The following ANXA6 variants were observed in gnomAD, a reference collection of about 807,000 sequenced individuals.
The protein encoded by ANXA6 is 67 kDa calelectrin.
A neutral mutation model predicts 95.4 loss-of-function variants in ANXA6; 71 were observed. The ratio of observed to expected loss-of-function variants is 0.74; its 90% CI spans 0.61 to 0.91. The LOEUF is 0.91. Among genes scored for constraint, ANXA6 ranks in the 40% least tolerant of loss-of-function variants. The pLI, the probability that ANXA6 is intolerant of heterozygous loss-of-function variation, is 0.00. For missense variants in ANXA6, 830 were observed against 876.4 expected (o/e 0.95, Z 0.67); for synonymous variants, 289 against 315.9 (o/e 0.91, Z 0.90).
intron 4 of ANXA6, chr5:151,139,015 T>C (rs1044465888): frequency 1.7e-6 from 1 of 602,090 alleles, no homozygotes; most frequent in East Asian, 2.8e-5. Context: ...CTATGCAGGG[T>C]CAGGTCCACA....
Position 151,101,119 on chromosome 5 carries a change from G to A in ANXA6, c.*329C>T, listed in dbSNP as rs1194676875. On this transcript the variant is annotated 3_prime_UTR_variant, in exon 26 of 26. Transcript: ENST00000354546. The stretch of plus-strand genomic sequence containing the variant: ...GACACTACTCATTTTACAGACAGAG[G>A]TTCAGGATGTTTTTGGATCTGACAT... 11 of 520,832 alleles carry A rather than the reference G, an allele frequency of 2.1e-5. No individual in the cohort carries two copies. Among genetic ancestry groups the A allele is most frequent in the South Asian group, 1.9e-4 (11 of 57,502 alleles). The allele number at this position is 520,832 out of a possible 1,614,324, so 32.3% of individuals were successfully genotyped here.
At chr5:151,155,060 AG>A (rs1057274806) in intron 1 of ANXA6, 5 of 152,198 alleles carry the variant, frequency 3.3e-5, no homozygotes, top group African/African-American at 1.2e-4. Context: ...AGCTTAGAAG[AG>A]GACCTGGCAC....
At chr5:151,109,952 G>T (rs1764804075) in intron 21 of ANXA6, 106 bp from the exon 22 acceptor site, 2 of 847,448 alleles carry the variant, frequency 2.4e-6, no homozygotes, top group Non-Finnish European at 3.8e-6. Flanking sequence ...GTCAGAAGCT[G>T]GGCTCACCCA....
At chr5:151,119,047 C>T (rs1020114538) in intron 18 of ANXA6, among the ~76,000 whole-genome samples, 1 of 152,244 alleles carries the variant, frequency 6.6e-6, no homozygotes, top group Non-Finnish European at 1.5e-5. Flanking sequence ...CGCCCTCCCT[C>T]TCTCCAGCAG....
In ANXA6 at chr5:151,119,300, C is replaced by A. The variant is rs1765094528; in HGVS notation, c.1438G>T (p.Asp480Tyr). 1 of 1,612,760 alleles carries A rather than the reference C, an allele frequency of 6.2e-7. No individual in the cohort carries two copies. Among genetic ancestry groups the A allele is most frequent in the Non-Finnish European group, 8.5e-7 (1 of 1,179,704 alleles). ...CTGGGCCCAGGCCTCCCAAACTCAC[C>A]CTCCTTATAGGCCTCATTGATGGCC... The part of the protein sequence containing the change: ...IRAINEAYKE[D>Y]YHKSLEDALS... Residue 480 changes from aspartate (D) to tyrosine (Y), a missense_variant and splice_region_variant, in exon 18 of 26, where the codon GAC becomes TAC. Physicochemically the swap from Asp to Tyr is radical, Grantham distance 160. Transcript: ENST00000354546.
chr5:151,126,614 G>A (rs1561575762), intron 13 of ANXA6, 134 bp from the exon 14 acceptor site: 4 of 711,962 alleles, frequency 5.6e-6, no homozygotes, highest in Non-Finnish European at 9.6e-6. Context: ...CACACATTAA[G>A]CTTTCTTTCT....
intron 25 of ANXA6, among the ~76,000 whole-genome samples, chr5:151,102,123 C>T (rs1764566903): frequency 1.3e-5 from 2 of 152,216 alleles, no homozygotes; most frequent in Admixed American, 1.3e-4. Flanking sequence ...CTGGGGAGGC[C>T]AAACTTCCTG....
chr5:151,124,652 G>A (rs185064263), intron 14 of ANXA6, among the ~76,000 whole-genome samples: 17 of 152,318 alleles, frequency 1.1e-4, no homozygotes, highest in Admixed American at 9.1e-4. Context: ...CTAGGCTCCC[G>A]CCTGCCACGG....
At chr5:151,124,536 TGAGAGAGAGAGA>T (rs56708608) in intron 14 of ANXA6, among the ~76,000 whole-genome samples, 169 bp from the exon 15 acceptor site, 20,811 of 146,734 alleles carry the variant, frequency 0.14, 1,535 homozygotes, top group South Asian at 0.18. Context: ...GCACGAGAGC[TGAGAGAGAGAGA>T]GAGAGAGAGA....
intron 13 of ANXA6, 92 bp from the exon 14 acceptor site, chr5:151,126,572 C>CACA: frequency 2.4e-6 from 2 of 835,062 alleles, no homozygotes; most frequent in Non-Finnish European, 3.9e-6. Flanking sequence ...ACACACACAC[C>CACA]CCAACACATA....
chr5:151,145,053 C>T (rs946023721), intron 2 of ANXA6, among the ~76,000 whole-genome samples: 8 of 152,312 alleles, frequency 5.3e-5, no homozygotes, highest in Non-Finnish European at 7.4e-5. Context: ...GTCACACCTC[C>T]GGCAGACAGG....
At chr5:151,106,113 C>T (rs1764688850) in intron 23 of ANXA6, among the ~76,000 whole-genome samples, 1 of 152,076 alleles carries the variant, frequency 6.6e-6, no homozygotes, top group African/African-American at 2.4e-5. Context: ...TGAGTGTTTC[C>T]CCAGGGCCTG....
chr5:151,156,135 C>T (rs1269225846), intron 1 of ANXA6, among the ~76,000 whole-genome samples: 2 of 152,134 alleles, frequency 1.3e-5, no homozygotes, highest in African/African-American at 4.8e-5. Context: ...GTAGATAAGG[C>T]AAAGAAAGAT....
At chr5:151,125,892 G>A (rs896283147) in intron 14 of ANXA6, among the ~76,000 whole-genome samples, 2 of 152,130 alleles carry the variant, frequency 1.3e-5, no homozygotes, top group South Asian at 2.1e-4. Context: ...GTTACATAGC[G>A]AATAAGTAAC....
chr5:151,121,714 G>A (rs906732051), intron 17 of ANXA6, among the ~76,000 whole-genome samples: 1 of 152,168 alleles, frequency 6.6e-6, no homozygotes, highest in Non-Finnish European at 1.5e-5. Flanking sequence ...TTCCTCCAGC[G>A]GCTCCATGAG....
chr5:151,139,308 A>C (rs1422649786), intron 4 of ANXA6, 45 bp downstream of exon 4: 2 of 1,378,346 alleles, frequency 1.5e-6, no homozygotes, highest in African/African-American at 2.9e-5. Flanking sequence ...GAATGAAATC[A>C]TTCTTCCACC....
chr5:151,113,393 C>G (rs927110682), intron 20 of ANXA6, among the ~76,000 whole-genome samples: 1 of 152,070 alleles, frequency 6.6e-6, no homozygotes. Flanking sequence ...AAGAGGAAAA[C>G]TCCATCTCAA....
intron 1 of ANXA6, among the ~76,000 whole-genome samples, chr5:151,152,704 C>G (rs1276624377): frequency 6.6e-6 from 1 of 152,056 alleles, no homozygotes; most frequent in African/African-American, 2.4e-5. Context: ...CTTTTATGTC[C>G]CATTTTTATT....
At chr5:151,154,455 AC>A (rs1185353360) in intron 1 of ANXA6, among the ~76,000 whole-genome samples, 1 of 152,026 alleles carries the variant, frequency 6.6e-6, no homozygotes, top group African/African-American at 2.4e-5. Flanking sequence ...TTCTTCCTGT[AC>A]CCCCAAAAGA....
Sources: gnomAD v4.1 joint callset for allele counts (sites outside exome capture counted in the v4.1 genomes callset) on GRCh38, gnomAD v4.1.1 for gene constraint, MANE v1.5 for transcripts, NCBI Gene and HGNC (gene_info 2026-07-23, HGNC 2026-07-21) for gene names.